Variants in R3HDM2 observed in about 807,000 individuals in gnomAD.
The protein encoded by R3HDM2 is R3H domain-containing protein 2.
A neutral mutation model predicts 124.5 loss-of-function variants in R3HDM2; 38 were observed. That is an observed-to-expected ratio of 0.31 (90% CI 0.24 to 0.40). R3HDM2 has a LOEUF of 0.40. Among genes scored for constraint, R3HDM2 ranks in the 10% least tolerant of loss-of-function variants. R3HDM2 has a pLI of 1.00. For synonymous variants in R3HDM2, 391 were observed against 448.0 expected, an observed-to-expected ratio of 0.87 and a Z score of 1.61; for missense variants, 869 against 1,236.9, an observed-to-expected ratio of 0.70 and a Z score of 4.46.
Position 57,254,769 on chromosome 12 carries a change from C to A in R3HDM2, c.*4G>T, listed in dbSNP as rs1413769406. 1 of 1,525,170 alleles carries A rather than the reference C, an allele frequency of 6.6e-7. No individual in the cohort carries two copies. The highest frequency in any genetic ancestry group is 2.3e-5 in the East Asian group (1 of 44,334). 94.5% of individuals were successfully genotyped at this position (1,525,170 alleles called of 1,614,324 possible). A position where few individuals can be genotyped will look rare whatever the true frequency, so the allele number is the denominator to read the frequency against. On this transcript the variant is annotated 3_prime_UTR_variant, in exon 24 of 24. Transcript: ENST00000402412. Reference sequence around the variant, plus strand: ...TCTGTGACAGTCCCTTTCCCCTCCTCCATTTATTGGGAGCTGGCTCGCTCC... The same window carrying A: ...TCTGTGACAGTCCCTTTCCCCTCCTACATTTATTGGGAGCTGGCTCGCTCC...
chr12:57,369,377 A>G (rs899024606), intron 2 of R3HDM2, among the ~76,000 whole-genome samples: 8 of 152,150 alleles, frequency 5.3e-5, no homozygotes, highest in African/African-American at 1.4e-4. Context: ...TGCGAACTCA[A>G]TTTTATTAAG....
At chr12:57,386,045 A>T (rs537663882) in intron 2 of R3HDM2, among the ~76,000 whole-genome samples, 47 of 152,284 alleles carry the variant, frequency 3.1e-4, no homozygotes, top group African/African-American at 1.1e-3. Context: ...AATAAAAAAA[A>T]TGCCACATTT....
At chr12:57,426,043 C>T (rs2070710475) in intron 1 of R3HDM2, among the ~76,000 whole-genome samples, 1 of 152,106 alleles carries the variant, frequency 6.6e-6, no homozygotes, top group African/African-American at 2.4e-5. Context: ...GCCTGGCCAA[C>T]ATGACAGAAC....
intron 3 of R3HDM2, among the ~76,000 whole-genome samples, chr12:57,305,069 C>T (rs1420453923): frequency 6.6e-6 from 1 of 152,080 alleles, no homozygotes; most frequent in Non-Finnish European, 1.5e-5. Flanking sequence ...CCTGTAATCC[C>T]AGCTACTAGG....
chr12:57,277,127 G>A (rs2045007438), intron 14 of R3HDM2, among the ~76,000 whole-genome samples: 1 of 149,978 alleles, frequency 6.7e-6, no homozygotes, highest in African/African-American at 2.5e-5. Context: ...AGACTGCCCT[G>A]AGGGATGTGG....
chr12:57,314,514 C>A (rs756420123), intron 2 of R3HDM2, among the ~76,000 whole-genome samples: 8 of 152,098 alleles, frequency 5.3e-5, no homozygotes, highest in Non-Finnish European at 1.0e-4. Flanking sequence ...AAATAATAGT[C>A]AAAACTGGAA....
intron 1 of R3HDM2, among the ~76,000 whole-genome samples, chr12:57,430,189 G>A (rs1229104656): frequency 6.6e-6 from 1 of 152,076 alleles, no homozygotes; most frequent in Non-Finnish European, 1.5e-5. Context: ...TAGCTCTACG[G>A]GAAAACGAAT....
Position 57,374,683 on chromosome 12 carries a change from TAAAAAAAAA to T in R3HDM2, c.-36+21057_-36+21065del, listed in dbSNP as rs56197858. Among the ~76,000 whole-genome samples the T allele has an allele frequency of 3.6e-4, 10 of 28,092 alleles. 1 individual carries two copies. The Admixed American group carries it at 3.9e-3, about 11-fold the overall frequency. 18.4% of individuals were successfully genotyped at this position (28,092 alleles called of 152,430 possible). On this transcript the variant is annotated intron_variant, in intron 2 of 23. Coordinates refer to ENST00000402412, the MANE Select transcript of R3HDM2 (RefSeq NM_001394031.1). ...GGGCAAAAAGAGAGAAATTCTATCTTAAAAAAAAAAAAAAAAAAAAAAAAAAAAGGCCGG... is the reference window on the plus strand; with the variant it reads ...GGGCAAAAAGAGAGAAATTCTATCTTAAAAAAAAAAAAAAAAAAAGGCCGG...
chr12:57,376,653 T>C (rs2064106845), intron 2 of R3HDM2, among the ~76,000 whole-genome samples: 1 of 152,080 alleles, frequency 6.6e-6, no homozygotes, highest in Admixed American at 6.6e-5. Flanking sequence ...AACTACTAAA[T>C]ATTTAGAAAT....
chr12:57,255,196 G>A, intron 23 of R3HDM2, 83 bp from the exon 24 acceptor site: 1 of 1,173,352 alleles, frequency 8.5e-7, no homozygotes, highest in Non-Finnish European at 1.2e-6. Flanking sequence ...GAAGTGTCCA[G>A]CTGACTAAGT....
intron 1 of R3HDM2, among the ~76,000 whole-genome samples, chr12:57,423,027 A>G (rs2070356514): frequency 6.6e-6 from 1 of 152,140 alleles, no homozygotes; most frequent in East Asian, 1.9e-4. Context: ...AAAAAGAGCC[A>G]GGAAAGCAAG....
intron 2 of R3HDM2, among the ~76,000 whole-genome samples, chr12:57,375,956 G>A (rs571276068): frequency 5.9e-5 from 9 of 152,232 alleles, no homozygotes; most frequent in African/African-American, 2.2e-4. Context: ...ACAGGCGTGA[G>A]CCACCATGCC....
chr12:57,358,812 AC>A (rs2061572724), intron 2 of R3HDM2, among the ~76,000 whole-genome samples: 1 of 152,018 alleles, frequency 6.6e-6, no homozygotes, highest in Admixed American at 6.6e-5. Context: ...TACTTATTCT[AC>A]CAATTATTTA....
At chr12:57,384,216 C>T (rs760069269) in intron 2 of R3HDM2, among the ~76,000 whole-genome samples, 11 of 151,552 alleles carry the variant, frequency 7.3e-5, no homozygotes, top group Non-Finnish European at 1.5e-4. Context: ...TAGCCGGGCA[C>T]GGTGGTGGGC....
At chr12:57,266,406 G>GT (rs1177309348) in intron 19 of R3HDM2, among the ~76,000 whole-genome samples, 5 of 151,624 alleles carry the variant, frequency 3.3e-5, no homozygotes, top group South Asian at 2.1e-4. Context: ...TTTTAAAAAA[G>GT]TTTTTTTAGT....
At chr12:57,420,888 G>A (rs2070124530) in intron 1 of R3HDM2, among the ~76,000 whole-genome samples, 2 of 152,000 alleles carry the variant, frequency 1.3e-5, no homozygotes, top group South Asian at 4.1e-4. Context: ...ACTCTGGACT[G>A]GTATATCCAA....
intron 2 of R3HDM2, among the ~76,000 whole-genome samples, chr12:57,316,679 A>C (rs191107907): frequency 7.0e-6 from 1 of 143,490 alleles, no homozygotes; most frequent in African/African-American, 2.6e-5. Flanking sequence ...TCCACCTCCC[A>C]GGTTCAAGTG....
intron 4 of R3HDM2, among the ~76,000 whole-genome samples, chr12:57,302,628 C>T (rs958351064): frequency 2.8e-5 from 4 of 144,422 alleles, no homozygotes; most frequent in East Asian, 4.0e-4. Flanking sequence ...ATTGCACCAT[C>T]GCACTAAAGC....
At position 57,254,233 on chromosome 12, in the gene R3HDM2, G is replaced by A. The variant is rs1565794778; in HGVS notation, c.*540C>T. The A allele has an allele frequency of 2.2e-6, 1 of 455,122 alleles. No homozygotes were observed. Among genetic ancestry groups the A allele is most frequent in the Admixed American group, 2.4e-5 (1 of 42,528 alleles). 28.2% of individuals were successfully genotyped at this position (455,122 alleles called of 1,614,324 possible). ...AAGAGGATGGAAGCCAGGCACAGTG[G>A]CTCACGCCTGTAATCCCAGCACTCT... On this transcript the variant is annotated 3_prime_UTR_variant, in exon 24 of 24. Coordinates refer to ENST00000402412, the MANE Select transcript of R3HDM2 (RefSeq NM_001394031.1).
Sources: gnomAD v4.1 joint callset for allele counts (sites outside exome capture counted in the v4.1 genomes callset) on GRCh38, gnomAD v4.1.1 for gene constraint, MANE v1.5 for transcripts, NCBI Gene and HGNC (gene_info 2026-07-23, HGNC 2026-07-21) for gene names.